The following DLGAP2 variants were observed in gnomAD, a reference collection of about 807,000 sequenced individuals.
DLGAP2 encodes the protein DLG associated protein 2, also known as disks large-associated protein 2.
A neutral mutation model predicts 100.3 loss-of-function variants in DLGAP2; 26 were observed. That is an observed-to-expected ratio of 0.26 (90% confidence interval 0.19 to 0.36). DLGAP2 has a LOEUF of 0.36. Ranked by LOEUF, DLGAP2 falls within the 10% of genes least tolerant of loss-of-function variation. DLGAP2 has a pLI of 1.00. For missense variants in DLGAP2, 1,858 were observed against 1,453.2 expected (o/e 1.28, Z -4.53); for synonymous variants, 886 against 630.1 (o/e 1.41, Z -6.08).
intron 3 of DLGAP2, among the ~76,000 whole-genome samples, chr8:1,352,295 T>A (rs867257843): frequency 7.9e-5 from 7 of 88,176 alleles, no homozygotes; most frequent in Non-Finnish European, 1.1e-4. Flanking sequence ...GTCCTGAGCG[T>A]GTGTGTGGAA....
intron 3 of DLGAP2, among the ~76,000 whole-genome samples, chr8:1,466,799 C>G (rs1798639527): frequency 6.6e-6 from 1 of 152,132 alleles, no homozygotes; most frequent in Non-Finnish European, 1.5e-5. Flanking sequence ...GTGGTAATTA[C>G]TGTTTTCCAG....
chr8:1,253,384 G>A (rs769106157), intron 2 of DLGAP2, among the ~76,000 whole-genome samples: 9 of 152,248 alleles, frequency 5.9e-5, no homozygotes, highest in Non-Finnish European at 1.3e-4. Flanking sequence ...AGGAGGGAGG[G>A]CGGGTGCTGC....
intron 3 of DLGAP2, among the ~76,000 whole-genome samples, chr8:1,322,505 A>G (rs1800927371): frequency 6.6e-6 from 1 of 152,066 alleles, no homozygotes; most frequent in Non-Finnish European, 1.5e-5. Flanking sequence ...GTGACTTCAC[A>G]CGTGTTGATC....
intron 3 of DLGAP2, among the ~76,000 whole-genome samples, chr8:1,291,969 A>G (rs1800069740): frequency 6.6e-6 from 1 of 152,230 alleles, no homozygotes; most frequent in Admixed American, 6.5e-5. Context: ...TGAAAGATGT[A>G]GGGACATGAG....
At chr8:1,417,697 C>CA (rs376235081) in intron 3 of DLGAP2, among the ~76,000 whole-genome samples, 1 of 76,742 alleles carries the variant, frequency 1.3e-5, no homozygotes, top group Non-Finnish European at 3.2e-5. Flanking sequence ...ACAGGGGGCC[C>CA]CACTCCTGCC....
intron 3 of DLGAP2, among the ~76,000 whole-genome samples, chr8:1,303,608 T>C (rs974335843): frequency 6.6e-6 from 1 of 152,062 alleles, no homozygotes; most frequent in Admixed American, 6.5e-5. Context: ...TAACGGAGAA[T>C]CAGTAGAAAG....
At chr8:1,688,395 G>C (rs145437696) in intron 12 of DLGAP2, 1 of 152,218 alleles carries the variant, frequency 6.6e-6, no homozygotes, top group Admixed American at 6.5e-5. Flanking sequence ...AGTGTTATCC[G>C]AGTTACTTGC....
At chr8:853,440 G>C (rs1225920894) in intron 1 of DLGAP2, among the ~76,000 whole-genome samples, 1 of 152,256 alleles carries the variant, frequency 6.6e-6, no homozygotes, top group Non-Finnish European at 1.5e-5. Context: ...AGGAGAGCAG[G>C]TGTGTGGTAT....
chr8:1,304,053 C>T (rs1223375312), intron 3 of DLGAP2, among the ~76,000 whole-genome samples: 1 of 152,210 alleles, frequency 6.6e-6, no homozygotes, highest in Admixed American at 6.5e-5. Flanking sequence ...TCTCAGACTG[C>T]AAAGGTCAGC....
rs537892405 is a variant in DLGAP2, at chr8:1,190,929, C to G, written c.74-67922C>G. Among the ~76,000 whole-genome samples, 3 of 152,218 alleles carry G rather than the reference C, an allele frequency of 2.0e-5. No homozygotes were observed. The South Asian group carries it at 6.2e-4, about 32-fold the overall frequency. On this transcript the variant is annotated intron_variant, in intron 2 of 14. Transcript: ENST00000637795. Reference sequence around the variant, plus strand: ...ATGCACCATGCTTCTCCTATGGAAGCCGTCCCATGGTGCGACATCCCCAGC... The same window carrying G: ...ATGCACCATGCTTCTCCTATGGAAGGCGTCCCATGGTGCGACATCCCCAGC...
intron 3 of DLGAP2, among the ~76,000 whole-genome samples, chr8:1,273,223 C>T (rs886429568): frequency 2.0e-5 from 3 of 152,216 alleles, no homozygotes; most frequent in Non-Finnish European, 4.4e-5. Flanking sequence ...GCCACAAACA[C>T]ACATGCACCC....
chr8:1,676,243 C>A (rs1414008642), intron 10 of DLGAP2, among the ~76,000 whole-genome samples: 1 of 152,210 alleles, frequency 6.6e-6, no homozygotes, highest in Non-Finnish European at 1.5e-5. Context: ...TTCAACAACA[C>A]CTATTTTTTG....
At chr8:1,697,529 T>A (rs979884604) in intron 14 of DLGAP2, among the ~76,000 whole-genome samples, 1 of 152,200 alleles carries the variant, frequency 6.6e-6, no homozygotes, top group Non-Finnish European at 1.5e-5. Flanking sequence ...TGGTAAATAA[T>A]AGGGTCTCCC....
At chr8:1,327,724 G>T (rs1801054494) in intron 3 of DLGAP2, among the ~76,000 whole-genome samples, 1 of 151,980 alleles carries the variant, frequency 6.6e-6, no homozygotes, top group Non-Finnish European at 1.5e-5. Context: ...GGCGCCTGTA[G>T]TCCCAGCTAC....
chr8:1,449,879 G>C (rs867785215), intron 3 of DLGAP2, among the ~76,000 whole-genome samples: 355 of 102,538 alleles, frequency 3.5e-3, no homozygotes, highest in Middle Eastern at 5.5e-3. Context: ...GGGCGGCCTC[G>C]GTGGCTGAGG....
chr8:1,078,711 TCTTC>T (rs1303599866), intron 2 of DLGAP2, among the ~76,000 whole-genome samples: 4 of 152,232 alleles, frequency 2.6e-5, no homozygotes, highest in African/African-American at 9.6e-5. Context: ...CATTTAATTT[TCTTC>T]CTTGTCTTTT....
At chr8:1,575,590 A>C (rs890547465) in intron 6 of DLGAP2, among the ~76,000 whole-genome samples, 3 of 147,580 alleles carry the variant, frequency 2.0e-5, no homozygotes, top group Non-Finnish European at 4.5e-5. Context: ...TTTACATTAG[A>C]TATATCTCCT....
At chr8:1,209,537 T>C (rs1225131899) in intron 2 of DLGAP2, among the ~76,000 whole-genome samples, 1 of 152,190 alleles carries the variant, frequency 6.6e-6, no homozygotes, top group Non-Finnish European at 1.5e-5. Flanking sequence ...ATACAATTAA[T>C]CCGTTTCTAT....
At chr8:1,665,870 C>T (rs554605698) in intron 8 of DLGAP2, among the ~76,000 whole-genome samples, 1 of 152,370 alleles carries the variant, frequency 6.6e-6, no homozygotes, top group East Asian at 1.9e-4. Flanking sequence ...AGGGCTGTCA[C>T]GTGGAAACCC....
Sources: allele counts gnomAD v4.1 joint callset (sites outside exome capture counted in the v4.1 genomes callset), GRCh38; gene constraint gnomAD v4.1.1; transcripts MANE v1.5; gene names NCBI Gene and HGNC (gene_info 2026-07-23, HGNC 2026-07-21).